The following TANC2 variants were observed in gnomAD, a reference collection of about 807,000 sequenced individuals.
TANC2 encodes protein TANC2.
TANC2 carries 26 observed loss-of-function variants against 210.5 expected under a neutral mutation model. The observed-to-expected ratio is 0.12, with a 90% CI of 0.09 to 0.17. The LOEUF (loss-of-function observed/expected upper bound fraction) is 0.17. Among genes scored for constraint, TANC2 ranks in the 10% least tolerant of loss-of-function variants. The probability of loss-of-function intolerance (pLI) is 1.00; values close to 1 mark genes in which losing one functional copy is unlikely to be tolerated. For missense variants in TANC2, 2,129 were observed against 2,608.9 expected (o/e 0.82, Z 4.01); for synonymous variants, 931 against 967.1 (o/e 0.96, Z 0.69).
At chr17:62,994,647 T>C (rs1481455815) in intron 1 of TANC2, among the ~76,000 whole-genome samples, 1 of 152,210 alleles carries the variant, frequency 6.6e-6, no homozygotes, top group African/African-American at 2.4e-5. Context: ...ACTAATTTGG[T>C]ATATTACATT....
intron 1 of TANC2, among the ~76,000 whole-genome samples, chr17:62,969,036 C>A (rs776763050): frequency 5.9e-5 from 9 of 152,052 alleles, no homozygotes; most frequent in Non-Finnish European, 1.3e-4. Context: ...GAAAAGTCGG[C>A]CCTCAATATA....
chr17:63,406,055 A>G (rs2048496054), intron 20 of TANC2, 99 bp from the exon 21 acceptor site: 5 of 1,482,998 alleles, frequency 3.4e-6, no homozygotes, highest in African/African-American at 1.4e-5. Flanking sequence ...GGTGACTCGT[A>G]CAGCAGTAGG....
chr17:63,269,458 C>T (rs1019150175), intron 9 of TANC2, among the ~76,000 whole-genome samples: 2 of 152,168 alleles, frequency 1.3e-5, no homozygotes, highest in African/African-American at 2.4e-5. Context: ...GACAGAACTA[C>T]TGATCTATAT....
intron 10 of TANC2, among the ~76,000 whole-genome samples, chr17:63,317,247 A>C (rs1275067184): frequency 1.3e-5 from 2 of 152,188 alleles, no homozygotes; most frequent in African/African-American, 2.4e-5. Context: ...AGATAGGAGC[A>C]GTTTAGCCTG....
intron 26 of TANC2, among the ~76,000 whole-genome samples, chr17:63,416,401 G>A (rs1249740897): frequency 6.6e-6 from 1 of 152,206 alleles, no homozygotes; most frequent in East Asian, 1.9e-4. Context: ...CTACCTGCCT[G>A]AGGTCTCACA....
At chr17:63,303,365 G>C (rs568597582) in intron 9 of TANC2, among the ~76,000 whole-genome samples, 2 of 152,264 alleles carry the variant, frequency 1.3e-5, no homozygotes, top group East Asian at 3.9e-4. Flanking sequence ...ATGAAGCTTA[G>C]TTTGGCTGGA....
chr17:63,408,615 T>G (rs1172950841), intron 21 of TANC2, among the ~76,000 whole-genome samples: 1 of 152,248 alleles, frequency 6.6e-6, no homozygotes, highest in East Asian at 1.9e-4. Flanking sequence ...AATTGCAAAC[T>G]ATACCATTAC....
intron 1 of TANC2, chr17:62,967,783 C>T (rs2031438876): frequency 6.7e-6 from 1 of 150,304 alleles, no homozygotes; most frequent in Non-Finnish European, 1.5e-5. Context: ...TTATAGAGAA[C>T]GGCAGTACTA....
At chr17:63,099,017 A>G (rs532703734) in intron 3 of TANC2, among the ~76,000 whole-genome samples, 158 bp from the exon 4 acceptor site, 2 of 152,244 alleles carry the variant, frequency 1.3e-5, no homozygotes, top group Non-Finnish European at 2.9e-5. Context: ...CCTGGAATTG[A>G]GTACATAGTA....
chr17:63,318,824 C>A, intron 10 of TANC2, 133 bp from the exon 11 acceptor site: 1 of 1,037,840 alleles, frequency 9.6e-7, no homozygotes, highest in Non-Finnish European at 1.4e-6. Flanking sequence ...TTTGGGTGGA[C>A]ATGTGTTTTT....
chr17:63,249,662 G>A (rs1789911309), intron 8 of TANC2, among the ~76,000 whole-genome samples: 2 of 152,104 alleles, frequency 1.3e-5, no homozygotes, highest in Non-Finnish European at 2.9e-5. Flanking sequence ...CGGGAATCTA[G>A]GGGGATTTAA....
At chr17:63,197,983 C>T (rs2041401461) in intron 6 of TANC2, among the ~76,000 whole-genome samples, 1 of 152,146 alleles carries the variant, frequency 6.6e-6, no homozygotes, top group Admixed American at 6.5e-5. Flanking sequence ...ACAGTTAAAG[C>T]TTTTAAGATA....
chr17:63,327,100 A>G (rs141446613), intron 11 of TANC2, among the ~76,000 whole-genome samples: 1 of 152,232 alleles, frequency 6.6e-6, no homozygotes, highest in Non-Finnish European at 1.5e-5. Flanking sequence ...GAAGGCATAC[A>G]TGTGGCCAGC....
chr17:63,059,719 A>AT, intron 2 of TANC2, among the ~76,000 whole-genome samples: 1 of 151,746 alleles, frequency 6.6e-6, no homozygotes, highest in East Asian at 1.9e-4. Context: ...TAAACATTTT[A>AT]TGATCTCCTG....
chr17:63,175,394 C>T (rs537985755), intron 5 of TANC2, among the ~76,000 whole-genome samples: 1 of 152,000 alleles, frequency 6.6e-6, no homozygotes, highest in Non-Finnish European at 1.5e-5. Flanking sequence ...AGGTGCAGTG[C>T]TGTGTGCCTG....
intron 11 of TANC2, among the ~76,000 whole-genome samples, chr17:63,339,799 T>C (rs373663595): frequency 1.5e-4 from 23 of 152,212 alleles, no homozygotes; most frequent in African/African-American, 5.1e-4. Context: ...ATTTTCAGAC[T>C]TGCTTCCTAT....
chr17:63,110,766 A>C (rs970651231), intron 4 of TANC2, among the ~76,000 whole-genome samples: 1 of 152,192 alleles, frequency 6.6e-6, no homozygotes, highest in Non-Finnish European at 1.5e-5. Flanking sequence ...TTTAAATTTC[A>C]ACACCTGAAT....
intron 8 of TANC2, among the ~76,000 whole-genome samples, chr17:63,239,896 CA>C (rs2146071987): frequency 6.6e-6 from 1 of 152,202 alleles, no homozygotes; most frequent in South Asian, 2.1e-4. Flanking sequence ...AAGCACCTCA[CA>C]TGACCAAAGC....
chr17:63,062,278 G>A (rs1461128050), intron 2 of TANC2, among the ~76,000 whole-genome samples: 1 of 152,052 alleles, frequency 6.6e-6, no homozygotes, highest in Non-Finnish European at 1.5e-5. Flanking sequence ...TTTCTCTTTT[G>A]TTGTTTTTTT....
Sources: allele counts gnomAD v4.1 joint callset (sites outside exome capture counted in the v4.1 genomes callset), GRCh38; gene constraint gnomAD v4.1.1; transcripts MANE v1.5; gene names NCBI Gene and HGNC (gene_info 2026-07-23, HGNC 2026-07-21).